The following SHANK2 variants were observed in gnomAD, a reference collection of about 807,000 sequenced individuals.
SHANK2 encodes the protein SH3 and multiple ankyrin repeat domains 2.
In SHANK2, 43 loss-of-function variants were observed where a neutral mutation model predicts 133.7. That is an observed-to-expected ratio of 0.32 (90% CI 0.25 to 0.41). The LOEUF is 0.41. Ranked by LOEUF, SHANK2 falls within the 10% of genes least tolerant of loss-of-function variation. SHANK2 has a pLI of 1.00. For synonymous variants in SHANK2, 1,017 were observed against 952.8 expected (o/e 1.07, Z -1.24); for missense variants, 1,994 against 2,235.8 (o/e 0.89, Z 2.18).
intron 14 of SHANK2, among the ~76,000 whole-genome samples, chr11:70,781,767 G>T (rs1387429133): frequency 9.7e-6 from 1 of 102,696 alleles, no homozygotes; most frequent in South Asian, 3.3e-4. Context: ...CCAGTGTGAT[G>T]TTCCAAAGGA....
intron 15 of SHANK2, among the ~76,000 whole-genome samples, chr11:70,696,156 C>T (rs185730925): frequency 1.5e-3 from 229 of 152,286 alleles, no homozygotes; most frequent in Middle Eastern, 3.4e-3. Flanking sequence ...CCCTGCTTGG[C>T]TCCTTCTAGT....
chr11:71,135,368 C>G (rs2135353153), intron 3 of SHANK2, among the ~76,000 whole-genome samples: 1 of 152,276 alleles, frequency 6.6e-6, no homozygotes, highest in African/African-American at 2.4e-5. Context: ...GCTGTGAAAT[C>G]CCCCTGTAAA....
chr11:70,935,983 C>T (rs1950565728), intron 10 of SHANK2, among the ~76,000 whole-genome samples: 1 of 152,194 alleles, frequency 6.6e-6, no homozygotes, highest in Middle Eastern at 3.2e-3. Flanking sequence ...GTCCCTGCTG[C>T]ACCGGCTGAA....
chr11:70,715,222 T>C (rs1362858374), intron 14 of SHANK2, among the ~76,000 whole-genome samples: 1 of 152,220 alleles, frequency 6.6e-6, no homozygotes, highest in East Asian at 1.9e-4. Flanking sequence ...CCTGGAATCC[T>C]AGGTTCTTGG....
intron 11 of SHANK2, among the ~76,000 whole-genome samples, chr11:70,875,027 T>A (rs1179342181): frequency 6.6e-6 from 1 of 152,178 alleles, no homozygotes; most frequent in Non-Finnish European, 1.5e-5. Context: ...AAAGGATACA[T>A]TATAAAAAGA....
At position 70,882,887 on chromosome 11, in the gene SHANK2, C is replaced by A. The variant is rs1423620643; in HGVS notation, c.1174+13614G>T. ...AGGGGAGGTCCTGAGGAAACAGCTGCAGGTGAACAGCAAACTGCAGGGCAG... is the reference window on the plus strand; with the variant it reads ...AGGGGAGGTCCTGAGGAAACAGCTGAAGGTGAACAGCAAACTGCAGGGCAG... On this transcript the variant is annotated intron_variant, in intron 11 of 25. Transcript: ENST00000601538. The surrounding 1 kb of genome is among the most constrained non-coding windows in gnomAD (Gnocchi z 4.2). 6.6e-6 allele frequency among the ~76,000 whole-genome samples: 1 copy of A among 152,134 alleles called. No homozygotes were observed. Among genetic ancestry groups the A allele is most frequent in the Admixed American group, 6.5e-5 (1 of 15,282 alleles).
At chr11:71,168,041 A>G (rs7926406) in intron 2 of SHANK2, among the ~76,000 whole-genome samples, 5,426 of 58,234 alleles carry the variant, frequency 0.093, 96 homozygotes, top group African/African-American at 0.26. Context: ...GGCGGCTGCC[A>G]GGCGGAGGGG....
chr11:71,086,837 C>A (rs1951426359), intron 8 of SHANK2, among the ~76,000 whole-genome samples: 1 of 152,190 alleles, frequency 6.6e-6, no homozygotes, highest in Admixed American at 6.5e-5. Context: ...CGTCCCTTAT[C>A]ATCTGATAGG....
At chr11:71,187,592 G>A (rs1277439028) in intron 2 of SHANK2, among the ~76,000 whole-genome samples, 1 of 152,080 alleles carries the variant, frequency 6.6e-6, no homozygotes, top group Non-Finnish European at 1.5e-5. Context: ...ATTCAGCACA[G>A]TTCAAGGGTT....
Position 70,473,193 on chromosome 11 carries a change from G to A in SHANK2, c.5226C>T (p.Ser1742=). The A allele has an allele frequency of 6.2e-7, 1 of 1,612,746 alleles. No individual in the cohort carries two copies. Among genetic ancestry groups the A allele is most frequent in the Non-Finnish European group, 8.5e-7 (1 of 1,178,782 alleles). ...SPSPALSDVF[S]LPSQPPSGDL... ...CCCCAGAAGGGGGCTGGCTTGGAAGGCTAAAGACATCTGAGAGAGCGGGAG... is the reference window on the plus strand; with the variant it reads ...CCCCAGAAGGGGGCTGGCTTGGAAGACTAAAGACATCTGAGAGAGCGGGAG... Residue 1742 remains serine (S), a synonymous_variant, in exon 26 of 26, where the codon AGC becomes AGT. Coordinates refer to ENST00000601538, the MANE Select transcript of SHANK2 (RefSeq NM_012309.5). This position sits in a 1 kb window ranked among gnomAD's most constrained non-coding sequence, Gnocchi z 5.9.
rs367956761 is a variant in SHANK2, at chr11:70,485,500, T to C, written c.4793A>G (p.Gln1598Arg). 79 of 1,613,648 alleles carry C rather than the reference T, an allele frequency of 4.9e-5. No individual in the cohort carries two copies. The African/African-American group carries it at 8.7e-4, about 18-fold the overall frequency. Residue 1598 changes from glutamine to arginine, a missense_variant, in exon 25 of 26, where the codon CAG (glutamine) becomes CGG (arginine). Physicochemically the swap from Gln to Arg is conservative, Grantham distance 43. This residue lies in a region of SHANK2 where 797 missense variants were observed against 907.4 expected (regional missense o/e 0.88). Coordinates refer to ENST00000601538, the MANE Select transcript of SHANK2 (RefSeq NM_012309.5). The surrounding 1 kb of genome is among the most constrained non-coding windows in gnomAD (Gnocchi z 5.8). ...SAQPGMAKVLQPRTSKLWGDV... is the reference protein window; with the variant it reads ...SAQPGMAKVLRPRTSKLWGDV... Reference sequence around the variant, plus strand: ...GCCCCACAACTTGGAGGTCCTTGGCTGGAGAACCTTGGCCATCCCAGGCTG... The same window carrying C: ...GCCCCACAACTTGGAGGTCCTTGGCCGGAGAACCTTGGCCATCCCAGGCTG...
intron 15 of SHANK2, among the ~76,000 whole-genome samples, chr11:70,694,938 A>G (rs1339070458): frequency 1.3e-5 from 2 of 152,116 alleles, no homozygotes; most frequent in Non-Finnish European, 2.9e-5. Context: ...TGCCATGCTA[A>G]TAGGTTCACA....
intron 10 of SHANK2, among the ~76,000 whole-genome samples, chr11:70,897,687 G>A (rs1402998738): frequency 6.6e-6 from 1 of 152,156 alleles, no homozygotes; most frequent in African/African-American, 2.4e-5. Flanking sequence ...CTTCTTGTGT[G>A]TATGAGGTGA....
chr11:71,126,968 A>G (rs113895113), intron 3 of SHANK2, among the ~76,000 whole-genome samples: 9,160 of 152,070 alleles, frequency 0.06, 848 homozygotes, highest in African/African-American at 0.21. Context: ...GCCTCCCAAA[A>G]TGCTGGGACT....
intron 11 of SHANK2, among the ~76,000 whole-genome samples, chr11:70,848,574 AG>A (rs2135458034): frequency 6.6e-6 from 1 of 152,332 alleles, no homozygotes; most frequent in South Asian, 2.1e-4. Context: ...AGGACCTTAA[AG>A]GCCCTTAAGT....
At chr11:70,872,684 G>A (rs902829053) in intron 11 of SHANK2, among the ~76,000 whole-genome samples, 3 of 152,050 alleles carry the variant, frequency 2.0e-5, no homozygotes, top group African/African-American at 4.8e-5. Flanking sequence ...CATTACTTCC[G>A]GCTCCCTGGT....
At chr11:70,884,124 A>T (rs1380351309) in intron 11 of SHANK2, among the ~76,000 whole-genome samples, 2 of 152,234 alleles carry the variant, frequency 1.3e-5, no homozygotes, top group African/African-American at 4.8e-5. Context: ...GGCTCAGGCC[A>T]GTGCACCAGG....
chr11:70,947,380 G>A (rs1213757484), intron 10 of SHANK2, among the ~76,000 whole-genome samples: 1 of 131,724 alleles, frequency 7.6e-6, no homozygotes, highest in Non-Finnish European at 1.6e-5. Context: ...TTGAGATGAA[G>A]TCTTGTCCGT....
intron 17 of SHANK2, among the ~76,000 whole-genome samples, chr11:70,531,155 CAAAAAAAAAAAAA>C (rs58867931): frequency 4.5e-5 from 4 of 88,162 alleles, no homozygotes; most frequent in African/African-American, 1.7e-4. Flanking sequence ...ACGACTGTCT[CAAAAAAAAAAAAA>C]AAAAAAAAAA....
Sources: allele counts gnomAD v4.1 joint callset (sites outside exome capture counted in the v4.1 genomes callset), GRCh38; gene constraint gnomAD v4.1.1; regional missense constraint gnomAD v4.1.1; non-coding constraint Gnocchi (gnomAD v3.1); transcripts MANE v1.5; gene names NCBI Gene and HGNC (gene_info 2026-07-23, HGNC 2026-07-21).